Variants in SPTA1 observed in about 807,000 individuals in gnomAD.
The protein encoded by SPTA1 is spectrin alpha, erythrocytic 1.
SPTA1 carries 177 observed loss-of-function variants against 324.7 expected under a neutral mutation model. The ratio of observed to expected loss-of-function variants is 0.55; its 90% CI spans 0.48 to 0.62. The LOEUF (loss-of-function observed/expected upper bound fraction) is 0.62. Among genes scored for constraint, SPTA1 ranks in the 20% least tolerant of loss-of-function variants. The probability of loss-of-function intolerance (pLI) is 0.00; values close to 1 mark genes in which losing one functional copy is unlikely to be tolerated. For synonymous variants in SPTA1, 1,195 were observed against 1,041.3 expected (o/e 1.15, Z -2.84); for missense variants, 3,162 against 2,883.6 (o/e 1.10, Z -2.21).
At position 158,686,668 on chromosome 1, in the gene SPTA1, C is replaced by A; in HGVS notation, c.-151G>T. 1.5e-6 allele frequency: 1 copy of A among 648,556 alleles called. No individual in the cohort carries two copies. The highest frequency in any genetic ancestry group is 2.7e-5 in the East Asian group (1 of 36,464). 40.2% of individuals were successfully genotyped at this position (648,556 alleles called of 1,614,324 possible). ...AAAAAAAAAAACCTCTTGCTTGGTC[C>A]TAGAATCCCATCAGCCATACACAAT... On this transcript the variant is annotated 5_prime_UTR_variant, in exon 1 of 52. In the 5' UTR this introduces an upstream ATG that the reference lacks. Coordinates refer to ENST00000643759, the MANE Select transcript of SPTA1 (RefSeq NM_003126.4).
In SPTA1 at chr1:158,678,499, C is replaced by T. The variant is rs1014342278; in HGVS notation, c.714G>A (p.Lys238=). 6.2e-7 allele frequency: 1 copy of T among 1,613,628 alleles called. No homozygotes were observed. ...CCCAGGCAGCATTCACCTCATTTTGCTTAGACTGAATTAAGGGTAGGTCAG... is the reference window on the plus strand; with the variant it reads ...CCCAGGCAGCATTCACCTCATTTTGTTTAGACTGAATTAAGGGTAGGTCAG... ...NHPDLPLIQS[K]QNEVNAAWER... is the part of the protein sequence containing the mutation. Residue 238 remains lysine (K), a synonymous_variant, in exon 6 of 52, where the codon AAG becomes AAA. Transcript: ENST00000643759.
At position 158,680,727 on chromosome 1, in the gene SPTA1, C is replaced by T; in HGVS notation, c.534G>A (p.Glu178=). The T allele has an allele frequency of 1.2e-6, 2 of 1,613,588 alleles. No individual in the cohort carries two copies. Among genetic ancestry groups the T allele is most frequent in the Non-Finnish European group, 1.7e-6 (2 of 1,179,768 alleles). The stretch of plus-strand genomic sequence containing the variant: ...CTAGCTCCACTGATGTCGCTATAGC[C>T]TCCTGTAGACACAGAAGTTGATTGA... ...ADILEWIGDK[E]AIATSVELGE... is the part of the protein sequence containing the mutation. The change falls in exon 5 of 52, where the codon GAG becomes GAA. Residue 178 remains glutamate, a splice_region_variant and synonymous_variant. Transcript: ENST00000643759.
intron 47 of SPTA1, among the ~76,000 whole-genome samples, chr1:158,616,493 G>A (rs1283998917): frequency 6.6e-6 from 1 of 152,082 alleles, no homozygotes; most frequent in African/African-American, 2.4e-5. Flanking sequence ...CTACGAGTGA[G>A]AACATGCAAT....
At chr1:158,641,718 T>C (rs931149281) in intron 33 of SPTA1, among the ~76,000 whole-genome samples, 6 of 152,164 alleles carry the variant, frequency 3.9e-5, no homozygotes, top group Non-Finnish European at 8.8e-5. Flanking sequence ...GGTGGGACTG[T>C]AAACTGGTTC....
At chr1:158,627,773 A>G in intron 39 of SPTA1, 50 bp from the exon 40 acceptor site, 1 of 1,526,314 alleles carries the variant, frequency 6.6e-7, no homozygotes, top group Non-Finnish European at 9.0e-7. Context: ...CGGAAAATCT[A>G]TATTCACTCA....
intron 16 of SPTA1, among the ~76,000 whole-genome samples, chr1:158,664,652 A>T (rs1332009291): frequency 6.6e-6 from 1 of 152,238 alleles, no homozygotes; most frequent in Non-Finnish European, 1.5e-5. Flanking sequence ...TGTATCCCAG[A>T]ACTTAAAGTA....
intron 38 of SPTA1, 147 bp from the exon 39 acceptor site, chr1:158,634,822 G>C (rs2101803058): frequency 4.7e-6 from 4 of 859,042 alleles, no homozygotes; most frequent in Non-Finnish European, 7.6e-6. Flanking sequence ...CAGTATAATA[G>C]GTGCCTACTG....
chr1:158,615,944 T>A (rs947370665), intron 47 of SPTA1, among the ~76,000 whole-genome samples: 1 of 152,150 alleles, frequency 6.6e-6, no homozygotes, highest in African/African-American at 2.4e-5. Context: ...TGCAGACATG[T>A]TTTATGCCAA....
At chr1:158,686,343 T>C in intron 1 of SPTA1, 151 bp downstream of exon 1, 1 of 644,016 alleles carries the variant, frequency 1.6e-6, no homozygotes, top group South Asian at 1.8e-5. Context: ...AGGTTATTGT[T>C]CACAAAAAAT....
chr1:158,657,097 C>T (rs1206262449), intron 19 of SPTA1, among the ~76,000 whole-genome samples: 1 of 152,102 alleles, frequency 6.6e-6, no homozygotes, highest in Admixed American at 6.6e-5. Flanking sequence ...CTTCTTGCCC[C>T]AACATATCTG....
chr1:158,619,108 T>A (rs963090800), intron 45 of SPTA1, 114 bp downstream of exon 45: 8 of 1,037,286 alleles, frequency 7.7e-6, no homozygotes, highest in Non-Finnish European at 1.2e-5. Flanking sequence ...ATGGGGATTT[T>A]AGGGCAGAAT....
At chr1:158,620,840 G>GAAAAAAAAA (rs200959019) in intron 43 of SPTA1, 15 of 89,486 alleles carry the variant, frequency 1.7e-4, no homozygotes, top group African/African-American at 2.7e-4. Context: ...TAGTAAACAT[G>GAAAAAAAAA]AAAAAAAAAA....
At chr1:158,663,393 T>C (rs1653381277) in intron 16 of SPTA1, among the ~76,000 whole-genome samples, 1 of 152,122 alleles carries the variant, frequency 6.6e-6, no homozygotes, top group African/African-American at 2.4e-5. Context: ...GCAGAAACAA[T>C]ACCTATGAGA....
At position 158,642,969 on chromosome 1, in the gene SPTA1, C is replaced by A. The variant is rs1651723722; in HGVS notation, c.4450G>T (p.Ala1484Ser). The change falls in exon 32 of 52, where the codon GCT becomes TCT. Residue 1484 changes from alanine to serine, a missense_variant. Coordinates refer to ENST00000643759, the MANE Select transcript of SPTA1 (RefSeq NM_003126.4). ...TCATCAATCAGTTGTGCTTTGAGAG[C>A]CTTCCACCTAGAGGACGGAGCCAAA... ...RLQRVLDRWKALKAQLIDERT... is the reference protein window; with the variant it reads ...RLQRVLDRWKSLKAQLIDERT... The A allele has an allele frequency of 1.2e-6, 2 of 1,613,454 alleles. No individual in the cohort carries two copies. Among genetic ancestry groups the A allele is most frequent in the African/African-American group, 1.3e-5 (1 of 74,876 alleles).
chr1:158,677,727 T>G lies in SPTA1; in HGVS notation c.920A>C (p.Lys307Thr), dbSNP rs776850137. 1 of 1,613,510 alleles carries G rather than the reference T, an allele frequency of 6.2e-7. No individual in the cohort carries two copies. Among genetic ancestry groups the G allele is most frequent in the Admixed American group, 1.7e-5 (1 of 59,916 alleles). ...GACAGCAAGATTTCTCTCAAGTCCC[T>G]TGTGACTGTGAAACAGTCCTTCAGA... Reference protein sequence around the residue: ...VASEGLFHSHKGLERNLAVMS... With the variant: ...VASEGLFHSHTGLERNLAVMS... The change falls in exon 7 of 52, where the codon AAG becomes ACG. Residue 307 changes from lysine to threonine, a missense_variant. Physicochemically the swap from Lys to Thr is moderately conservative, Grantham distance 78. Coordinates refer to ENST00000643759, the MANE Select transcript of SPTA1 (RefSeq NM_003126.4).
Position 158,686,641 on chromosome 1 carries a change from G to GT in SPTA1, c.-125_-124insA. On this transcript the variant is annotated 5_prime_UTR_variant, in exon 1 of 52. It introduces an in-frame stop codon into an upstream open reading frame of the 5' UTR. Transcript: ENST00000643759. ...AATATAGAAACGTTAAGTATGTGGGGGAAAAAAAAAAACCTCTTGCTTGGT... is the reference window on the plus strand; with the variant it reads ...AATATAGAAACGTTAAGTATGTGGGGTGAAAAAAAAAAACCTCTTGCTTGGT... The GT allele has an allele frequency of 4.0e-5, 28 of 693,266 alleles. No homozygotes were observed. Among genetic ancestry groups the GT allele is most frequent in the Admixed American group, 8.0e-5 (3 of 37,332 alleles). 42.9% of individuals were successfully genotyped at this position (693,266 alleles called of 1,614,324 possible).
chr1:158,653,879 A>AT (rs1334708890), intron 21 of SPTA1, among the ~76,000 whole-genome samples: 1 of 152,130 alleles, frequency 6.6e-6, no homozygotes, highest in Non-Finnish European at 1.5e-5. Flanking sequence ...GTGTTACTTT[A>AT]TTTTTTATTT....
chr1:158,669,829 C>T (rs1261066050), intron 12 of SPTA1, 43 bp from the exon 13 acceptor site: 1 of 1,584,046 alleles, frequency 6.3e-7, no homozygotes, highest in South Asian at 1.1e-5. Flanking sequence ...CCTTCAGTGA[C>T]CACTGAGTAA....
At chr1:158,629,553 T>C (rs1463569577) in intron 39 of SPTA1, among the ~76,000 whole-genome samples, 1 of 152,060 alleles carries the variant, frequency 6.6e-6, no homozygotes, top group African/African-American at 2.4e-5. Flanking sequence ...AAAGTACATG[T>C]ATGAAAAGCC....
Sources: allele counts gnomAD v4.1 joint callset (sites outside exome capture counted in the v4.1 genomes callset), GRCh38; gene constraint gnomAD v4.1.1; transcripts MANE v1.5; gene names NCBI Gene and HGNC (gene_info 2026-07-23, HGNC 2026-07-21).